CFDP1: variants seen among roughly 807,000 people sequenced by gnomAD.
The protein encoded by CFDP1 is heterochromatin-stabilizing protein CFDP1.
CFDP1 carries 31 observed loss-of-function variants against 40.1 expected under a neutral mutation model. The observed-to-expected ratio is 0.77, with a 90% CI of 0.58 to 1.04. The LOEUF is 1.04. Ranked by LOEUF, CFDP1 falls within the 50% of genes least tolerant of loss-of-function variation. The probability of loss-of-function intolerance (pLI) is 0.00; values close to 1 mark genes in which losing one functional copy is unlikely to be tolerated. For synonymous variants in CFDP1, 167 were observed against 120.0 expected, an observed-to-expected ratio of 1.39 and a Z score of -2.56; for missense variants, 423 against 343.4, an observed-to-expected ratio of 1.23 and a Z score of -1.83.
intron 5 of CFDP1, among the ~76,000 whole-genome samples, chr16:75,358,295 A>C (rs975817006): frequency 6.6e-6 from 1 of 152,224 alleles, no homozygotes; most frequent in Non-Finnish European, 1.5e-5. Context: ...TGTGAAGCAC[A>C]GTAAAGCACA....
At chr16:75,422,407 T>TC (rs1357503134) in intron 1 of CFDP1, among the ~76,000 whole-genome samples, 2 of 149,250 alleles carry the variant, frequency 1.3e-5, no homozygotes, top group East Asian at 3.9e-4. Flanking sequence ...TTTTTTTTTT[T>TC]TTTTTTTTTT....
intron 5 of CFDP1, among the ~76,000 whole-genome samples, chr16:75,343,611 C>T (rs1288963257): frequency 6.6e-6 from 1 of 152,184 alleles, no homozygotes; most frequent in Non-Finnish European, 1.5e-5. Context: ...CCTGGGGAAG[C>T]CTGGAAAAGA....
intron 5 of CFDP1, among the ~76,000 whole-genome samples, chr16:75,371,458 C>T (rs1040465462): frequency 4.0e-5 from 6 of 151,812 alleles, no homozygotes; most frequent in Admixed American, 2.6e-4. Flanking sequence ...GAATGGGGGG[C>T]GAGGTTAAAA....
At chr16:75,416,075 A>G (rs983441532) in intron 1 of CFDP1, among the ~76,000 whole-genome samples, 5 of 152,008 alleles carry the variant, frequency 3.3e-5, no homozygotes, top group African/African-American at 4.8e-5. Flanking sequence ...CTGGTTTTGA[A>G]TTCTGACCTC....
chr16:75,362,316 A>G (rs2078685039), intron 5 of CFDP1, among the ~76,000 whole-genome samples: 1 of 152,174 alleles, frequency 6.6e-6, no homozygotes, highest in Non-Finnish European at 1.5e-5. Flanking sequence ...CTGCACCTCT[A>G]GGAGGGCTGA....
chr16:75,418,178 G>T (rs946772507), intron 1 of CFDP1, among the ~76,000 whole-genome samples: 9 of 144,458 alleles, frequency 6.2e-5, no homozygotes, highest in Admixed American at 2.8e-4. Context: ...GCTTGAACCT[G>T]GGGGGCGGAG....
At chr16:75,344,831 G>C (rs1319701330) in intron 5 of CFDP1, among the ~76,000 whole-genome samples, 1 of 151,748 alleles carries the variant, frequency 6.6e-6, no homozygotes, top group Non-Finnish European at 1.5e-5. Context: ...ACTTGGGAGG[G>C]TAAGGCAGGA....
intron 5 of CFDP1, among the ~76,000 whole-genome samples, chr16:75,336,485 A>T (rs996673694): frequency 1.3e-5 from 2 of 152,260 alleles, no homozygotes; most frequent in African/African-American, 4.8e-5. Flanking sequence ...GTTTGGCTTT[A>T]GCCGGGAGAA....
At chr16:75,387,871 A>G (rs748318984) in intron 5 of CFDP1, among the ~76,000 whole-genome samples, 3 of 152,238 alleles carry the variant, frequency 2.0e-5, no homozygotes, top group Non-Finnish European at 4.4e-5. Flanking sequence ...GAATGAAACA[A>G]AAGTATAGAA....
chr16:75,309,759 G>C (rs1451838649), intron 5 of CFDP1, among the ~76,000 whole-genome samples: 1 of 132,840 alleles, frequency 7.5e-6, no homozygotes, highest in African/African-American at 2.8e-5. Flanking sequence ...GGCGGAGCTT[G>C]CAGTGAGCCA....
At chr16:75,323,681 AG>A (rs1482900833) in intron 5 of CFDP1, among the ~76,000 whole-genome samples, 1 of 151,690 alleles carries the variant, frequency 6.6e-6, no homozygotes, top group African/African-American at 2.4e-5. Flanking sequence ...CCAGAGGCTG[AG>A]GCAGGAGAAC....
chr16:75,369,378 G>A (rs1171459735), intron 5 of CFDP1, among the ~76,000 whole-genome samples: 3 of 147,816 alleles, frequency 2.0e-5, no homozygotes, highest in African/African-American at 7.5e-5. Flanking sequence ...GCAAAAGTTC[G>A]CTTCAAAAAA....
intron 5 of CFDP1, among the ~76,000 whole-genome samples, chr16:75,355,578 G>T (rs1377875804): frequency 6.6e-6 from 1 of 152,122 alleles, no homozygotes; most frequent in African/African-American, 2.4e-5. Flanking sequence ...TTCAGGCTCT[G>T]ATATGGTCTG....
At chr16:75,357,913 T>C (rs190871217) in intron 5 of CFDP1, among the ~76,000 whole-genome samples, 155 of 152,356 alleles carry the variant, frequency 1.0e-3, no homozygotes, top group Non-Finnish European at 1.4e-3. Flanking sequence ...TTACTAACCT[T>C]AAATCATTTC....
At chr16:75,425,094 C>T (rs1021329536) in intron 1 of CFDP1, among the ~76,000 whole-genome samples, 2 of 151,798 alleles carry the variant, frequency 1.3e-5, no homozygotes, top group Non-Finnish European at 2.9e-5. Flanking sequence ...AAAAAAGATA[C>T]AGACTGTATT....
At chr16:75,392,593 G>A (rs544437137) in intron 5 of CFDP1, among the ~76,000 whole-genome samples, 5 of 151,804 alleles carry the variant, frequency 3.3e-5, no homozygotes, top group African/African-American at 9.7e-5. Flanking sequence ...TGCCTCCTGG[G>A]TTCAAGCGAT....
intron 4 of CFDP1, among the ~76,000 whole-genome samples, chr16:75,400,054 T>C (rs1303569493): frequency 2.9e-5 from 4 of 139,364 alleles, no homozygotes; most frequent in Non-Finnish European, 1.5e-5. Flanking sequence ...TGAGCCGAGA[T>C]CGTGCCATTG....
In CFDP1 at chr16:75,433,339, T is replaced by C; in HGVS notation, c.14A>G (p.Asp5Gly). Residue 5 changes from aspartate to glycine, a missense_variant, in exon 1 of 7, where the codon GAC becomes GGC. Asp to Gly is a moderately conservative substitution (Grantham distance 94, BLOSUM62 -1). Coordinates refer to ENST00000283882, the MANE Select transcript of CFDP1 (RefSeq NM_006324.3). MEEFDSEDFSTSEED... is the reference protein window; with the variant it reads MEEFGSEDFSTSEED... ...CTCCGACGTAGAGAAGTCTTCGGAG[T>C]CGAATTCCTCCATGTTGCTGCCGCT... 6.3e-7 allele frequency: 1 copy of C among 1,596,526 alleles called. No individual in the cohort carries two copies. The highest frequency in any genetic ancestry group is 1.8e-4 in the Middle Eastern group (1 of 5,690).
At position 75,412,638 on chromosome 16, in the gene CFDP1, A is replaced by G. The variant is rs375543202; in HGVS notation, c.299T>C (p.Ile100Thr). The change falls in exon 3 of 7, where the codon ATT (isoleucine) becomes ACT (threonine). Residue 100 changes from isoleucine to threonine, a missense_variant. Transcript: ENST00000283882. ...CTTTTTCCTGGCATCCTCTGATCCA[A>G]TGCCTTTTTCCTGCTCTGCAGCGTC... ...EDDAAEQEKG[I>T]GSEDARKKKE... 3.7e-6 allele frequency: 6 copies of G among 1,614,124 alleles called. No homozygotes were observed. Among genetic ancestry groups the G allele is most frequent in the East Asian group, 2.2e-5 (1 of 44,886 alleles).
Sources: gnomAD v4.1 joint callset for allele counts (sites outside exome capture counted in the v4.1 genomes callset) on GRCh38, gnomAD v4.1.1 for gene constraint, MANE v1.5 for transcripts, NCBI Gene and HGNC (gene_info 2026-07-23, HGNC 2026-07-21) for gene names.